Variants in TOX observed in about 807,000 individuals in gnomAD.
TOX encodes thymocyte selection associated high mobility group box.
Under a neutral mutation model 53.7 loss-of-function variants are expected in TOX, and 11 were observed. The observed-to-expected ratio is 0.20, with a 90% CI of 0.13 to 0.34. The LOEUF is 0.34. TOX is among the 10% of genes least tolerant of loss of function. The pLI, the probability that TOX is intolerant of heterozygous loss-of-function variation, is 1.00. For missense variants in TOX, 570 were observed against 664.6 expected, an observed-to-expected ratio of 0.86 and a Z score of 1.56; for synonymous variants, 225 against 245.3, an observed-to-expected ratio of 0.92 and a Z score of 0.77.
At chr8:58,857,856 G>C (rs1000119109) in intron 3 of TOX, among the ~76,000 whole-genome samples, 1 of 151,762 alleles carries the variant, frequency 6.6e-6, no homozygotes, top group Non-Finnish European at 1.5e-5. Flanking sequence ...TGCAACCTCC[G>C]CCTCCCAGGT....
rs887704663 is a variant in TOX at position 58,838,070 on chromosome 8, G to A, written c.924+11C>T. The stretch of plus-strand genomic sequence containing the variant: ...CTTATGTAGATTCCCATTCCACTGG[G>A]AATCCCTTACCTGTTTTTGCTCTTC... On this transcript the variant is annotated intron_variant, in intron 5 of 8. Coordinates refer to ENST00000361421, the MANE Select transcript of TOX (RefSeq NM_014729.3). 3 of 1,611,908 alleles carry A rather than the reference G, an allele frequency of 1.9e-6. No individual in the cohort carries two copies. The highest frequency in any genetic ancestry group is 8.5e-7 in the Non-Finnish European group (1 of 1,178,260).
chr8:58,821,573 C>A (rs1488119207), intron 6 of TOX, among the ~76,000 whole-genome samples: 1 of 152,014 alleles, frequency 6.6e-6, no homozygotes. Context: ...TTGAGGAATG[C>A]TTTCTGCCTG....
chr8:59,119,051 C>G lies in TOX; in HGVS notation c.-64G>C. 2 of 1,140,070 alleles carry G rather than the reference C, an allele frequency of 1.8e-6. No individual in the cohort carries two copies. Among genetic ancestry groups the G allele is most frequent in the Non-Finnish European group, 1.3e-6 (1 of 776,304 alleles). 70.6% of individuals were successfully genotyped at this position (1,140,070 alleles called of 1,614,324 possible). On this transcript the variant is annotated 5_prime_UTR_variant, in exon 1 of 9. Transcript: ENST00000361421. ...TTTTAAAAAAAAGTGTTCAGCAAAA[C>G]AAGCTTAGACGGAACAGAGTGAGGT...
chr8:58,946,558 T>G (rs78553705), intron 2 of TOX, among the ~76,000 whole-genome samples: 2,737 of 152,322 alleles, frequency 0.018, 101 homozygotes, highest in African/African-American at 0.063. Context: ...AAGCCAATGA[T>G]CCTGCAAACA....
At chr8:58,924,945 C>T (rs1463142) in intron 3 of TOX, among the ~76,000 whole-genome samples, 47,338 of 151,984 alleles carry the variant, frequency 0.31, 8,365 homozygotes, top group Non-Finnish European at 0.39. Flanking sequence ...GAGAACAATG[C>T]GAGAGAATGT....
At chr8:58,842,159 G>A (rs566722497) in intron 4 of TOX, among the ~76,000 whole-genome samples, 1 of 152,244 alleles carries the variant, frequency 6.6e-6, no homozygotes, top group South Asian at 2.1e-4. Context: ...ATTACTTCTG[G>A]GTGTGTCTGT....
At chr8:59,078,730 G>A (rs981061379) in intron 1 of TOX, among the ~76,000 whole-genome samples, 1 of 152,212 alleles carries the variant, frequency 6.6e-6, no homozygotes, top group Non-Finnish European at 1.5e-5. Flanking sequence ...CTGAGAATGT[G>A]GAAGCAATTT....
At chr8:58,954,895 A>C (rs1330474413) in intron 2 of TOX, among the ~76,000 whole-genome samples, 2 of 152,182 alleles carry the variant, frequency 1.3e-5, no homozygotes, top group Non-Finnish European at 2.9e-5. Flanking sequence ...ATAAAGAAAA[A>C]AGAGAAGATA....
chr8:58,859,224 A>G lies in TOX; in HGVS notation c.412-7419T>C, dbSNP rs561694774. Among the ~76,000 whole-genome samples the G allele has an allele frequency of 3.9e-5, 6 of 152,310 alleles. No homozygotes were observed. In the East Asian group the frequency reaches 1.2e-3, roughly 29 times the overall value. On this transcript the variant is annotated intron_variant, in intron 3 of 8. Coordinates refer to ENST00000361421, the MANE Select transcript of TOX (RefSeq NM_014729.3). The stretch of plus-strand genomic sequence containing the variant: ...GTTGCACTGAACACTGATAATTAAC[A>G]ATGAAAGAGGGAAAATTTGGAAAAA...
chr8:59,003,898 A>C (rs1216324915), intron 1 of TOX, among the ~76,000 whole-genome samples: 1 of 152,242 alleles, frequency 6.6e-6, no homozygotes, highest in Non-Finnish European at 1.5e-5. Context: ...TTCACAAAAT[A>C]ATGATCAACA....
chr8:58,896,674 AAAAATAAAATAAAAT>A (rs141360838), intron 3 of TOX, among the ~76,000 whole-genome samples: 1 of 149,346 alleles, frequency 6.7e-6, no homozygotes, highest in Non-Finnish European at 1.5e-5. Context: ...AATCCATCTC[AAAAATAAAATAAAAT>A]AAAATAAAAT....
chr8:59,118,130 C>T lies in TOX; in HGVS notation c.102+756G>A, dbSNP rs948523268. On this transcript the variant is annotated intron_variant, in intron 1 of 8. Coordinates refer to ENST00000361421, the MANE Select transcript of TOX (RefSeq NM_014729.3). This position sits in a 1 kb window ranked among gnomAD's most constrained non-coding sequence, Gnocchi z 4.1. The stretch of plus-strand genomic sequence containing the variant: ...GGCCCTGGCACCCGAGGTCAGCGGG[C>T]CGTGGGTACAGCTCAGCCGCGGACC... Among the ~76,000 whole-genome samples, 1 of 152,206 alleles carries T rather than the reference C, an allele frequency of 6.6e-6. No individual in the cohort carries two copies. Among genetic ancestry groups the T allele is most frequent in the Admixed American group, 6.5e-5 (1 of 15,294 alleles).
chr8:58,858,898 A>G (rs1273658873), intron 3 of TOX, among the ~76,000 whole-genome samples: 1 of 152,206 alleles, frequency 6.6e-6, no homozygotes, highest in Non-Finnish European at 1.5e-5. Flanking sequence ...ATGCACTCTA[A>G]GAGTCTATGA....
intron 1 of TOX, among the ~76,000 whole-genome samples, chr8:58,973,134 A>T (rs1257964492): frequency 6.6e-6 from 1 of 152,154 alleles, no homozygotes; most frequent in Non-Finnish European, 1.5e-5. Context: ...TGCTAATAGG[A>T]CCTTCCTCAG....
intron 1 of TOX, among the ~76,000 whole-genome samples, chr8:58,998,252 G>C (rs1563413148): frequency 6.6e-6 from 1 of 151,368 alleles, no homozygotes; most frequent in African/African-American, 2.4e-5. Context: ...ACTTTGGGAG[G>C]CTGAGGTGGG....
intron 1 of TOX, among the ~76,000 whole-genome samples, chr8:58,994,936 T>C (rs1412060056): frequency 6.6e-6 from 1 of 152,210 alleles, no homozygotes; most frequent in Non-Finnish European, 1.5e-5. Context: ...CATATCGTGA[T>C]GCCTTCCTTC....
chr8:59,076,066 A>C (rs1328606009), intron 1 of TOX, among the ~76,000 whole-genome samples: 1 of 151,926 alleles, frequency 6.6e-6, no homozygotes, highest in African/African-American at 2.4e-5. Context: ...AGAGCTCAGG[A>C]AGTCAGAGAG....
intron 1 of TOX, among the ~76,000 whole-genome samples, chr8:59,066,538 CCTTGTT>C (rs776339565): frequency 6.6e-6 from 1 of 152,076 alleles, no homozygotes; most frequent in Non-Finnish European, 1.5e-5. Context: ...CCAAAAGAAC[CCTTGTT>C]CTTCTTTAAT....
At chr8:58,963,946 G>A (rs1472371479) in intron 1 of TOX, among the ~76,000 whole-genome samples, 2 of 152,170 alleles carry the variant, frequency 1.3e-5, no homozygotes, top group Non-Finnish European at 2.9e-5. Flanking sequence ...TCTTTCTAGA[G>A]AAGGTGGTGA....
Sources: allele counts gnomAD v4.1 joint callset (sites outside exome capture counted in the v4.1 genomes callset), GRCh38; gene constraint gnomAD v4.1.1; non-coding constraint Gnocchi (gnomAD v3.1); transcripts MANE v1.5; gene names NCBI Gene and HGNC (gene_info 2026-07-23, HGNC 2026-07-21).